Variants in ITIH5 observed in about 807,000 individuals in gnomAD.
ITIH5 encodes inter-alpha-trypsin inhibitor heavy chain H5.
In ITIH5, 65 loss-of-function variants were observed where a neutral mutation model predicts 77.5. The observed-to-expected ratio is 0.84, with a 90% confidence interval of 0.69 to 1.03. The LOEUF is 1.03. ITIH5 is among the 50% of genes least tolerant of loss of function. The pLI is 0.00. For missense variants in ITIH5, 1,208 were observed against 1,213.1 expected (o/e 1.00, Z 0.06); for synonymous variants, 525 against 494.3 (o/e 1.06, Z -0.82).
At chr10:7,579,352 C>T (rs1288596757) in intron 9 of ITIH5, among the ~76,000 whole-genome samples, 1 of 152,142 alleles carries the variant, frequency 6.6e-6, no homozygotes, top group African/African-American at 2.4e-5. Context: ...ATGGAGAAAC[C>T]TTGTCTCTAC....
rs1405784081 is a variant in ITIH5, at chr10:7,589,076, A to G, written c.940-3007T>C. On this transcript the variant is annotated intron_variant, in intron 7 of 13. Coordinates refer to ENST00000397146, the MANE Select transcript of ITIH5 (RefSeq NM_030569.7). Reference sequence around the variant, plus strand: ...CTGGGGATCTCTTCCAAGTCCCTGTATGTTGATGGGCTCTGTTTACTTCTT... The same window carrying G: ...CTGGGGATCTCTTCCAAGTCCCTGTGTGTTGATGGGCTCTGTTTACTTCTT... 4.6e-5 allele frequency among the ~76,000 whole-genome samples: 7 copies of G among 152,374 alleles called. No homozygotes were observed. In the East Asian group the frequency reaches 1.3e-3, roughly 29 times the overall value.
chr10:7,582,076 C>T (rs929752882), intron 8 of ITIH5, among the ~76,000 whole-genome samples: 57 of 151,432 alleles, frequency 3.8e-4, no homozygotes, highest in African/African-American at 1.0e-3. Flanking sequence ...CGGGTTTCAC[C>T]ATGTTGGCCA....
rs138268835 is a variant in ITIH5 at position 7,578,486 on chromosome 10, A to G, written c.1418+1269T>C. The stretch of plus-strand genomic sequence containing the variant: ...TCAATTCTGTTATCCAGTGTATCAG[A>G]TTCTCCCCTTTGACTCTAGTTTTGA... On this transcript the variant is annotated intron_variant, in intron 9 of 13. Transcript: ENST00000397146. 5 of 163,388 alleles carry G rather than the reference A, an allele frequency of 3.1e-5. No homozygotes were observed. In the East Asian group the frequency reaches 9.6e-4, roughly 31 times the overall value. The allele number at this position is 163,388 out of a possible 1,614,324, so 10.1% of individuals were successfully genotyped here.
chr10:7,586,463 C>T (rs1832682457), intron 7 of ITIH5, among the ~76,000 whole-genome samples: 1 of 152,164 alleles, frequency 6.6e-6, no homozygotes, highest in Admixed American at 6.5e-5. Flanking sequence ...TCTGACTTCT[C>T]TGAAGAGAGC....
In ITIH5 at chr10:7,566,011, G is replaced by A. The variant is rs374758598; in HGVS notation, c.2527+19C>T. ...ACTCTGCCCTCTATGCCCAGCGTGAGGAGAGCGCAGCTTCCTACCCAGCAG... is the reference window on the plus strand; with the variant it reads ...ACTCTGCCCTCTATGCCCAGCGTGAAGAGAGCGCAGCTTCCTACCCAGCAG... On this transcript the variant is annotated intron_variant, in intron 13 of 13. Transcript: ENST00000397146. 7.5e-6 allele frequency: 12 copies of A among 1,606,928 alleles called. No individual in the cohort carries two copies. The African/African-American group carries it at 8.0e-5, about 11-fold the overall frequency.
Position 7,560,526 on chromosome 10 carries a change from GT to G in ITIH5, c.*2556del, listed in dbSNP as rs1248889360. The G allele has an allele frequency of 6.6e-6, 1 of 152,202 alleles. No individual in the cohort carries two copies. Among genetic ancestry groups the G allele is most frequent in the Non-Finnish European group, 1.5e-5 (1 of 68,054 alleles). The allele number at this position is 152,202 out of a possible 1,614,324, so 9.4% of individuals were successfully genotyped here. A position where few individuals can be genotyped will look rare whatever the true frequency, so the allele number is the denominator to read the frequency against. On this transcript the variant is annotated 3_prime_UTR_variant, in exon 14 of 14. Transcript: ENST00000397146. ...CATCCCCTCCCTTTAGCCTGAAGTT[GT>G]AAAGCATTAAAAAGTCAAATGGAGG... is the stretch of plus-strand genomic sequence containing the variant.
rs1175692373 is a variant in ITIH5 at position 7,616,165 on chromosome 10, G to C, written c.823-67C>G. On this transcript the variant is annotated intron_variant, in intron 6 of 13. Transcript: ENST00000397146. ...CGGGGAGCAAAAATACCTGAAGTGG[G>C]TAGTCTATGGAATTTCTAAAAGTTA... 4.6e-6 allele frequency: 4 copies of C among 860,952 alleles called. No homozygotes were observed. In the Admixed American group the frequency reaches 5.4e-5, roughly 12 times the overall value. 53.3% of individuals were successfully genotyped at this position (860,952 alleles called of 1,614,324 possible).
intron 5 of ITIH5, chr10:7,620,524 A>C (rs1833457563): frequency 6.6e-6 from 1 of 152,234 alleles, no homozygotes; most frequent in South Asian, 2.1e-4. Context: ...CAGTTGAATG[A>C]GGGTATACCT....
chr10:7,642,647 T>C (rs1167691892), intron 2 of ITIH5, among the ~76,000 whole-genome samples: 1 of 152,150 alleles, frequency 6.6e-6, no homozygotes, highest in Non-Finnish European at 1.5e-5. Flanking sequence ...ATCTAGAGAA[T>C]TTAGAACCCA....
intron 7 of ITIH5, among the ~76,000 whole-genome samples, chr10:7,589,292 T>C (rs1407822512): frequency 2.6e-5 from 4 of 151,996 alleles, no homozygotes; most frequent in African/African-American, 9.7e-5. Context: ...ACCATGTCTC[T>C]ACTAAAAAAA....
chr10:7,626,549 C>T (rs143603389), intron 5 of ITIH5, among the ~76,000 whole-genome samples: 241 of 152,270 alleles, frequency 1.6e-3, no homozygotes, highest in East Asian at 0.012. Flanking sequence ...CCCTTCCAGC[C>T]GCAGAGCAGA....
At chr10:7,588,725 G>A (rs1162993815) in intron 7 of ITIH5, among the ~76,000 whole-genome samples, 1 of 152,178 alleles carries the variant, frequency 6.6e-6, no homozygotes. Context: ...TGATGACGAC[G>A]CTGACGATAT....
chr10:7,603,929 G>A (rs1012772029), intron 7 of ITIH5, among the ~76,000 whole-genome samples: 1 of 152,142 alleles, frequency 6.6e-6, no homozygotes, highest in South Asian at 2.1e-4. Context: ...CCCTTGGTCT[G>A]CGTGGACTGC....
rs141248725 is a variant in ITIH5, at chr10:7,559,857, GTTTTGT to G, written c.*3220_*3225del. 0.029 allele frequency: 13,008 copies of G among 451,372 alleles called. 855 individuals carry two copies. The highest frequency in any genetic ancestry group is 0.17 in the African/African-American group (8,057 of 48,488). 28.0% of individuals were successfully genotyped at this position (451,372 alleles called of 1,614,324 possible). On this transcript the variant is annotated 3_prime_UTR_variant, in exon 14 of 14. Transcript: ENST00000397146. ...CTCTCCCATGTCTTTTTTTTGTTTTGTTTTGTTTTTTTTTGACGGAGTTTGGCTCTG... is the reference window on the plus strand; with the variant it reads ...CTCTCCCATGTCTTTTTTTTGTTTTGTTTTTTTTGACGGAGTTTGGCTCTG...
chr10:7,584,279 A>T (rs1039504237), intron 8 of ITIH5, among the ~76,000 whole-genome samples: 2 of 148,054 alleles, frequency 1.4e-5, no homozygotes, highest in Non-Finnish European at 3.0e-5. Flanking sequence ...CATAACATAC[A>T]CCAGCCATTT....
chr10:7,601,904 G>A (rs1001142944), intron 7 of ITIH5, among the ~76,000 whole-genome samples: 1 of 152,074 alleles, frequency 6.6e-6, no homozygotes, highest in Non-Finnish European at 1.5e-5. Flanking sequence ...CCAGGCTGGA[G>A]TGCAGTGGCT....
At chr10:7,634,260 T>C (rs1833762788) in intron 5 of ITIH5, among the ~76,000 whole-genome samples, 1 of 152,160 alleles carries the variant, frequency 6.6e-6, no homozygotes, top group Non-Finnish European at 1.5e-5. Flanking sequence ...CAAGCCCAAT[T>C]CCAGTTTGAT....
chr10:7,599,264 G>C (rs1832967766), intron 7 of ITIH5, among the ~76,000 whole-genome samples: 1 of 152,148 alleles, frequency 6.6e-6, no homozygotes, highest in African/African-American at 2.4e-5. Flanking sequence ...CACAGCCTTA[G>C]TACATAGGCT....
At chr10:7,588,952 C>G (rs1246126574) in intron 7 of ITIH5, among the ~76,000 whole-genome samples, 2 of 152,240 alleles carry the variant, frequency 1.3e-5, no homozygotes, top group South Asian at 4.1e-4. Flanking sequence ...AGTCTGACTT[C>G]AGGGACAGCA....
Sources: allele counts gnomAD v4.1 joint callset (sites outside exome capture counted in the v4.1 genomes callset), GRCh38; gene constraint gnomAD v4.1.1; transcripts MANE v1.5; gene names NCBI Gene and HGNC (gene_info 2026-07-23, HGNC 2026-07-21).